Variants in TSHR observed in about 807,000 individuals in gnomAD.
The protein encoded by TSHR is thyrotropin receptor.
Under a neutral mutation model 64.1 loss-of-function variants are expected in TSHR, and 51 were observed. That is an observed-to-expected ratio of 0.80 (90% CI 0.64 to 1.01). The LOEUF (loss-of-function observed/expected upper bound fraction) is 1.01, where lower values mean the gene tolerates loss of function less well. TSHR is among the 50% of genes least tolerant of loss of function. The pLI, the probability that TSHR is intolerant of heterozygous loss-of-function variation, is 0.00. For synonymous variants in TSHR, 361 were observed against 361.9 expected (o/e 1.00, Z 0.03); for missense variants, 877 against 942.8 (o/e 0.93, Z 0.91).
chr14:81,008,346 G>C (rs1889716544), intron 1 of TSHR, among the ~76,000 whole-genome samples: 1 of 151,906 alleles, frequency 6.6e-6, no homozygotes, highest in South Asian at 2.1e-4. Context: ...CTAATTTTTT[G>C]TATTTTTAGT....
chr14:81,046,617 G>C (rs1331218172), intron 1 of TSHR, among the ~76,000 whole-genome samples: 1 of 151,744 alleles, frequency 6.6e-6, no homozygotes, highest in East Asian at 1.9e-4. Context: ...AAGGAAATGA[G>C]AGAGAAAAAA....
At chr14:81,115,192 C>G (rs1371467136) in intron 8 of TSHR, among the ~76,000 whole-genome samples, 1 of 152,066 alleles carries the variant, frequency 6.6e-6, no homozygotes, top group Non-Finnish European at 1.5e-5. Context: ...ATGACTTTGA[C>G]GAGCTGAGAG....
At chr14:81,069,338 T>A (rs544225746) in intron 3 of TSHR, among the ~76,000 whole-genome samples, 1 of 152,344 alleles carries the variant, frequency 6.6e-6, no homozygotes, top group East Asian at 1.9e-4. Flanking sequence ...TACATTAAGA[T>A]GCTTTCAAGA....
chr14:81,027,913 C>T (rs959463218), intron 1 of TSHR, among the ~76,000 whole-genome samples: 3 of 152,120 alleles, frequency 2.0e-5, no homozygotes, highest in Non-Finnish European at 4.4e-5. Context: ...TACCAATCTT[C>T]TCATTTTTAA....
At position 81,067,845 on chromosome 14, in the gene TSHR, G is replaced by T. The variant is rs192609265; in HGVS notation, c.243-409G>T. Among the ~76,000 whole-genome samples, 243 of 146,612 alleles carry T rather than the reference G, an allele frequency of 1.7e-3. 1 individual carries two copies. The highest frequency in any genetic ancestry group is 0.014 in the Middle Eastern group (4 of 280). ...AGAAGCATTTTTAATGGAATGTCTAGTAACACGGAATTAGACACGTAGTTT... is the reference window on the plus strand; with the variant it reads ...AGAAGCATTTTTAATGGAATGTCTATTAACACGGAATTAGACACGTAGTTT... On this transcript the variant is annotated intron_variant, in intron 2 of 9. Transcript: ENST00000298171.
At chr14:81,121,695 A>AC (rs2140065721) in intron 8 of TSHR, among the ~76,000 whole-genome samples, 1 of 152,192 alleles carries the variant, frequency 6.6e-6, no homozygotes, top group East Asian at 1.9e-4. Context: ...TAATCCCAGC[A>AC]CTCTGGAAGA....
intron 1 of TSHR, among the ~76,000 whole-genome samples, chr14:81,006,555 C>T (rs1889614708): frequency 6.6e-6 from 1 of 151,910 alleles, no homozygotes; most frequent in African/African-American, 2.4e-5. Context: ...GCTCTGTCAC[C>T]AGGCGAGAGC....
intron 8 of TSHR, among the ~76,000 whole-genome samples, chr14:81,138,652 G>A (rs868712748): frequency 2.0e-5 from 3 of 152,028 alleles, no homozygotes; most frequent in South Asian, 2.1e-4. Flanking sequence ...AAGTTCTGAC[G>A]GCCTTGAACC....
chr14:81,104,599 TG>T, intron 7 of TSHR: 2 of 985,444 alleles, frequency 2.0e-6, no homozygotes, highest in Non-Finnish European at 2.4e-6. Context: ...CTTTACTGAA[TG>T]GCCGCTATGT....
At chr14:80,961,130 G>T (rs1463114042) in intron 1 of TSHR, among the ~76,000 whole-genome samples, 1 of 152,188 alleles carries the variant, frequency 6.6e-6, no homozygotes, top group Admixed American at 6.5e-5. Flanking sequence ...CACAACAGGG[G>T]ATTCCCCACT....
chr14:81,082,355 T>C (rs1887965526), intron 3 of TSHR, among the ~76,000 whole-genome samples: 1 of 152,222 alleles, frequency 6.6e-6, no homozygotes, highest in South Asian at 2.1e-4. Flanking sequence ...TCTAGGTTGC[T>C]TGGCAACGGT....
chr14:81,003,173 TAGACTC>T (rs1293578408), intron 1 of TSHR, among the ~76,000 whole-genome samples: 3 of 152,126 alleles, frequency 2.0e-5, no homozygotes, highest in African/African-American at 7.2e-5. Flanking sequence ...CTGTGACAAA[TAGACTC>T]AGTTCTCCTT....
intron 3 of TSHR, among the ~76,000 whole-genome samples, chr14:81,077,534 T>C (rs1887594828): frequency 6.6e-6 from 1 of 152,222 alleles, no homozygotes; most frequent in South Asian, 2.1e-4. Context: ...AAGTAGTTAC[T>C]ATCATTTTAC....
chr14:81,137,900 G>A (rs1370739456), intron 8 of TSHR, among the ~76,000 whole-genome samples: 2 of 152,174 alleles, frequency 1.3e-5, no homozygotes, highest in Non-Finnish European at 2.9e-5. Context: ...TTTCACTGAC[G>A]TGAAAGCATC....
intron 3 of TSHR, among the ~76,000 whole-genome samples, chr14:81,084,588 G>C (rs1478326797): frequency 6.6e-6 from 1 of 152,212 alleles, no homozygotes; most frequent in Non-Finnish European, 1.5e-5. Flanking sequence ...GGATGGATGA[G>C]TGGGAGCACA....
intron 3 of TSHR, among the ~76,000 whole-genome samples, chr14:81,083,921 T>A (rs1396951924): frequency 1.3e-5 from 2 of 152,102 alleles, no homozygotes; most frequent in East Asian, 3.8e-4. Flanking sequence ...GTAGATCCCC[T>A]TATAAAACCA....
rs185541073 is a variant in TSHR at position 81,047,327 on chromosome 14, C to T, written c.171-14821C>T. The stretch of plus-strand genomic sequence containing the variant: ...AGCACAAACAACGGACACCAATACA[C>T]ACACACACACCCCTCCCCCAAAATG... On this transcript the variant is annotated intron_variant, in intron 1 of 9. Coordinates refer to ENST00000298171, the MANE Select transcript of TSHR (RefSeq NM_000369.5). Among the ~76,000 whole-genome samples the T allele has an allele frequency of 9.2e-5, 14 of 152,260 alleles. No homozygotes were observed. In the East Asian group the frequency reaches 2.7e-3, roughly 29 times the overall value.
intron 1 of TSHR, among the ~76,000 whole-genome samples, chr14:80,976,441 C>A (rs1310718054): frequency 6.6e-6 from 1 of 152,160 alleles, no homozygotes; most frequent in Non-Finnish European, 1.5e-5. Context: ...ATTTTAAATT[C>A]CCCCTCAGCT....
intron 1 of TSHR, among the ~76,000 whole-genome samples, chr14:81,037,945 A>C (rs1406215073): frequency 3.3e-5 from 5 of 151,838 alleles, no homozygotes; most frequent in South Asian, 2.1e-4. Flanking sequence ...AAAAAAAAAA[A>C]CACTGGATTT....
Sources: allele counts gnomAD v4.1 joint callset (sites outside exome capture counted in the v4.1 genomes callset), GRCh38; gene constraint gnomAD v4.1.1; transcripts MANE v1.5; gene names NCBI Gene and HGNC (gene_info 2026-07-23, HGNC 2026-07-21).